CACNA1G: variants seen among roughly 807,000 people sequenced by gnomAD.
CACNA1G encodes the protein voltage-dependent T-type calcium channel subunit alpha-1G.
In CACNA1G, 67 loss-of-function variants were observed where a neutral mutation model predicts 219.4. The ratio of observed to expected loss-of-function variants is 0.31; its 90% CI spans 0.25 to 0.37. The LOEUF is 0.37. CACNA1G is among the 10% of genes least tolerant of loss of function. CACNA1G has a pLI of 1.00. For synonymous variants in CACNA1G, 1,296 were observed against 1,345.3 expected, an observed-to-expected ratio of 0.96 and a Z score of 0.80; for missense variants, 2,380 against 3,231.4, an observed-to-expected ratio of 0.74 and a Z score of 6.39.
chr17:50,604,120 G>T, intron 21 of CACNA1G, 35 bp from the exon 22 acceptor site: 1 of 1,603,732 alleles, frequency 6.2e-7, no homozygotes, highest in Non-Finnish European at 8.5e-7. Flanking sequence ...CTGGGCTGGG[G>T]GAAGCCTTAT....
intron 8 of CACNA1G, among the ~76,000 whole-genome samples, chr17:50,577,816 C>T (rs528206970): frequency 5.2e-4 from 79 of 152,124 alleles, no homozygotes; most frequent in African/African-American, 1.5e-3. Context: ...CTTAAGGATC[C>T]CATGGAAAGT....
At chr17:50,602,726 G>T in intron 19 of CACNA1G, 94 bp from the exon 20 acceptor site, 13 of 1,082,004 alleles carry the variant, frequency 1.2e-5, no homozygotes, top group African/African-American at 1.6e-5. Context: ...TGAGTCAAAT[G>T]TTAGAAGCAG....
chr17:50,615,295 TG>T, intron 26 of CACNA1G, 65 bp from the exon 27 acceptor site: 1 of 1,186,458 alleles, frequency 8.4e-7, no homozygotes, highest in Non-Finnish European at 1.1e-6. Flanking sequence ...TGTGAGGGAC[TG>T]GGGGTGGAGG....
chr17:50,612,192 T>C (rs1305530568), intron 26 of CACNA1G, among the ~76,000 whole-genome samples: 1 of 152,250 alleles, frequency 6.6e-6, no homozygotes, highest in African/African-American at 2.4e-5. Context: ...ACCAGGGTGA[T>C]GGGGACAGAG....
chr17:50,591,546 G>T lies in CACNA1G; in HGVS notation c.2565G>T (p.Leu855=), dbSNP rs577733281. The change falls in exon 11 of 38, where the codon CTG becomes CTT. Residue 855 remains leucine, a synonymous_variant. Coordinates refer to ENST00000359106, the MANE Select transcript of CACNA1G (RefSeq NM_018896.5). ...TCCTGCCGGCGCTGCAGCGGCAGCT[G>T]GTGGTGCTCATGAAGACCATGGACA... ...VRFLPALQRQ[L]VVLMKTMDNV... is the part of the protein sequence containing the mutation. 1 of 1,612,686 alleles carries T rather than the reference G, an allele frequency of 6.2e-7. No individual in the cohort carries two copies. The highest frequency in any genetic ancestry group is 1.3e-5 in the African/African-American group (1 of 75,050).
At position 50,596,931 on chromosome 17, in the gene CACNA1G, G is replaced by T. The variant is rs1395409042; in HGVS notation, c.3258+8G>T. On this transcript the variant is annotated splice_region_variant and intron_variant, in intron 16 of 37. Coordinates refer to ENST00000359106, the MANE Select transcript of CACNA1G (RefSeq NM_018896.5). This position sits in a 1 kb window ranked among gnomAD's most constrained non-coding sequence, Gnocchi z 4.8. ...CACGAGATGAAGTCACCGGTAGGGG[G>T]TGCATGTGGGTACCCTGATGGTGGG... The T allele has an allele frequency of 1.3e-6, 2 of 1,535,854 alleles. No individual in the cohort carries two copies. The highest frequency in any genetic ancestry group is 1.8e-6 in the Non-Finnish European group (2 of 1,140,416).
intron 25 of CACNA1G, 25 bp downstream of exon 25, chr17:50,608,044 G>A (rs768204223): frequency 8.2e-6 from 13 of 1,577,648 alleles, no homozygotes; most frequent in East Asian, 2.3e-5. Flanking sequence ...ATGGCTGGTC[G>A]GTAGTCTTTC....
chr17:50,588,694 A>G (rs568044747), intron 9 of CACNA1G, among the ~76,000 whole-genome samples: 2 of 152,342 alleles, frequency 1.3e-5, no homozygotes, highest in East Asian at 3.9e-4. Flanking sequence ...AACGGGCTCC[A>G]TGCCATACTG....
chr17:50,615,541 C>T (rs1439184625), intron 27 of CACNA1G, 29 bp downstream of exon 27: 2 of 1,604,230 alleles, frequency 1.2e-6, no homozygotes, highest in Non-Finnish European at 1.7e-6. Context: ...GCCATCTGGC[C>T]CCCCCACCTC....
In CACNA1G at chr17:50,575,525, C is replaced by T; in HGVS notation, c.1141-18C>T. On this transcript the variant is annotated intron_variant, in intron 7 of 37. Coordinates refer to ENST00000359106, the MANE Select transcript of CACNA1G (RefSeq NM_018896.5). ...CTTTTCTTCAGGACATTTCCTCTTC[C>T]TGTCCCCACCCCTACAGGTGGGCTC... 1.9e-6 allele frequency: 3 copies of T among 1,591,954 alleles called. No homozygotes were observed. Among genetic ancestry groups the T allele is most frequent in the South Asian group, 2.2e-5 (2 of 89,340 alleles).
Position 50,568,893 on chromosome 17 carries a change from T to C in CACNA1G, c.266T>C (p.Leu89Ser). The C allele has an allele frequency of 6.2e-7, 1 of 1,613,718 alleles. No homozygotes were observed. The highest frequency in any genetic ancestry group is 2.2e-5 in the East Asian group (1 of 44,886). Residue 89 changes from leucine to serine, a missense_variant, in exon 2 of 38, where the codon TTG becomes TCG. Leu to Ser is a moderately radical substitution (Grantham distance 145). Around this residue, in one of 17 missense-constraint regions of CACNA1G, gnomAD observed 64 missense variants for 103.7 expected, o/e 0.62. Coordinates refer to ENST00000359106, the MANE Select transcript of CACNA1G (RefSeq NM_018896.5). ...CNPWFERISM[L>S]VILLNCVTLG... ...ACCTGGTTTGAGCGCATCAGCATGTTGGTCATCCTTCTCAACTGCGTGACC... is the reference window on the plus strand; with the variant it reads ...ACCTGGTTTGAGCGCATCAGCATGTCGGTCATCCTTCTCAACTGCGTGACC...
intron 9 of CACNA1G, among the ~76,000 whole-genome samples, chr17:50,590,261 C>T (rs555023793): frequency 2.0e-5 from 3 of 152,272 alleles, no homozygotes; most frequent in East Asian, 1.9e-4. Flanking sequence ...ATGGGTTTCA[C>T]GTGGCCCTTT....
intron 26 of CACNA1G, among the ~76,000 whole-genome samples, chr17:50,611,641 G>A (rs2049234765): frequency 6.6e-6 from 1 of 152,180 alleles, no homozygotes; most frequent in East Asian, 1.9e-4. Flanking sequence ...ACTTGTTAGG[G>A]GATGAGGGGA....
At chr17:50,564,089 A>G (rs2036913233) in intron 1 of CACNA1G, among the ~76,000 whole-genome samples, 1 of 150,154 alleles carries the variant, frequency 6.7e-6, no homozygotes. Flanking sequence ...TTAAGGGACC[A>G]GGTTTCCTAG....
At chr17:50,606,392 C>CTGGA (rs34345967) in intron 23 of CACNA1G, 308,480 of 598,442 alleles carry the variant, frequency 0.52, 86,870 homozygotes, top group East Asian at 0.99. Context: ...GCTCAATGAC[C>CTGGA]TGGAGCAGCT....
intron 9 of CACNA1G, among the ~76,000 whole-genome samples, chr17:50,590,220 G>C (rs1189854486): frequency 1.3e-5 from 2 of 152,134 alleles, no homozygotes; most frequent in East Asian, 3.9e-4. Flanking sequence ...TGAGTTTGTG[G>C]CCCCTGAATC....
Position 50,561,588 on chromosome 17 carries a change from C to T in CACNA1G, c.129C>T (p.Ser43=), listed in dbSNP as rs1191881602. 1.9e-6 allele frequency: 3 copies of T among 1,567,704 alleles called. No homozygotes were observed. The highest frequency in any genetic ancestry group is 3.7e-5 in the Admixed American group (2 of 53,380). Residue 43 remains serine (S), a synonymous_variant, in exon 1 of 38, where the codon AGC becomes AGT. Transcript: ENST00000359106. ...GPGSAEKDPG[S]ADSEAEGLPY... Reference sequence around the variant, plus strand: ...GGTCAGCAGAAAAGGACCCGGGCAGCGCGGACTCCGAGGCGGAGGGGCTGC... The same window carrying T: ...GGTCAGCAGAAAAGGACCCGGGCAGTGCGGACTCCGAGGCGGAGGGGCTGC...
Position 50,619,800 on chromosome 17 carries a change from C to G in CACNA1G, c.5899C>G (p.Pro1967Ala). Residue 1967 changes from proline to alanine, a missense_variant, in exon 34 of 38, where the codon CCC becomes GCC. Coordinates refer to ENST00000359106, the MANE Select transcript of CACNA1G (RefSeq NM_018896.5). ...CCAGCCCTCTGCCTTCCCTTCTGCC[C>G]CCAGCCTGGGAGGCTCCGACCCACA... ...GGQPSAFPSA[P>A]SLGGSDPQIP... 1 of 1,606,398 alleles carries G rather than the reference C, an allele frequency of 6.2e-7. No homozygotes were observed. Among genetic ancestry groups the G allele is most frequent in the Non-Finnish European group, 8.5e-7 (1 of 1,178,254 alleles).
Position 50,626,099 on chromosome 17 carries a change from C to A in CACNA1G, c.6482C>A (p.Pro2161Gln), listed in dbSNP as rs201791887. 6 of 1,613,642 alleles carry A rather than the reference C, an allele frequency of 3.7e-6. No individual in the cohort carries two copies. The South Asian group carries it at 4.4e-5, about 12-fold the overall frequency. Residue 2161 changes from proline to glutamine, a missense_variant, in exon 38 of 38, where the codon CCG (proline) becomes CAG (glutamine). Physicochemically the swap from Pro to Gln is moderately conservative, Grantham distance 76. Transcript: ENST00000359106. The surrounding 1 kb of genome is among the most constrained non-coding windows in gnomAD (Gnocchi z 4.3). ...CTGGCAGAGGTGAGTGGGCCCTCCC[C>A]GCCCCTGGCCCGGGCCTACTCTTTC... ...DLLAEVSGPS[P>Q]PLARAYSFWG...
Sources: gnomAD v4.1 joint callset for allele counts (sites outside exome capture counted in the v4.1 genomes callset) on GRCh38, gnomAD v4.1.1 for gene constraint, gnomAD v4.1.1 regional missense constraint, Gnocchi (gnomAD v3.1) non-coding constraint, MANE v1.5 for transcripts, NCBI Gene and HGNC (gene_info 2026-07-23, HGNC 2026-07-21) for gene names.